Variants in FRMD4A observed in about 807,000 individuals in gnomAD.
FRMD4A encodes FERM domain containing 4A, also known as FERM domain-containing protein 4A.
FRMD4A carries 29 observed loss-of-function variants against 129.1 expected under a neutral mutation model. The ratio of observed to expected loss-of-function variants is 0.22; its 90% CI spans 0.17 to 0.31. The LOEUF (loss-of-function observed/expected upper bound fraction) is 0.31, where lower values mean the gene tolerates loss of function less well. Ranked by LOEUF, FRMD4A falls within the 10% of genes least tolerant of loss-of-function variation. The probability of loss-of-function intolerance (pLI) is 1.00; values close to 1 mark genes in which losing one functional copy is unlikely to be tolerated. For missense variants in FRMD4A, 1,272 were observed against 1,375.8 expected, an observed-to-expected ratio of 0.92 and a Z score of 1.19; for synonymous variants, 634 against 571.6, an observed-to-expected ratio of 1.11 and a Z score of -1.56.
At chr10:13,913,950 T>C (rs1459911441) in intron 2 of FRMD4A, among the ~76,000 whole-genome samples, 1 of 152,030 alleles carries the variant, frequency 6.6e-6, no homozygotes, top group Non-Finnish European at 1.5e-5. Context: ...GAGACAACCA[T>C]AGTGACTGGG....
intron 3 of FRMD4A, among the ~76,000 whole-genome samples, chr10:13,851,489 T>C (rs1204267644): frequency 6.6e-6 from 1 of 152,102 alleles, no homozygotes; most frequent in Non-Finnish European, 1.5e-5. Context: ...CCTCTCCCCA[T>C]TGCTTGCATT....
chr10:13,704,771 G>A (rs944766409), intron 13 of FRMD4A, among the ~76,000 whole-genome samples: 1 of 152,146 alleles, frequency 6.6e-6, no homozygotes, highest in Non-Finnish European at 1.5e-5. Flanking sequence ...CACTCCATGA[G>A]TTCCTTCTTC....
At chr10:13,795,817 G>C (rs956059373) in intron 5 of FRMD4A, among the ~76,000 whole-genome samples, 1 of 152,160 alleles carries the variant, frequency 6.6e-6, no homozygotes, top group Non-Finnish European at 1.5e-5. Context: ...CCAGCCTCTG[G>C]CTTCTCACAA....
intron 2 of FRMD4A, among the ~76,000 whole-genome samples, chr10:14,321,275 CA>C (rs1306290138): frequency 1.3e-5 from 2 of 151,018 alleles, no homozygotes; most frequent in Admixed American, 6.6e-5. Context: ...TTAAGAAAAA[CA>C]GATACAAAAG....
intron 3 of FRMD4A, among the ~76,000 whole-genome samples, chr10:13,839,787 T>C (rs2093933977): frequency 6.6e-6 from 1 of 152,182 alleles, no homozygotes; most frequent in Admixed American, 6.5e-5. Context: ...AGTGGACTCC[T>C]AACACCAGAG....
At chr10:13,858,389 C>G (rs886672467) in intron 3 of FRMD4A, among the ~76,000 whole-genome samples, 8 of 152,280 alleles carry the variant, frequency 5.3e-5, no homozygotes, top group Admixed American at 3.9e-4. Context: ...GAGCTGAGAT[C>G]GTGCCACTGC....
At chr10:14,326,465 T>A (rs961654746) in intron 2 of FRMD4A, 1 of 160,086 alleles carries the variant, frequency 6.2e-6, no homozygotes, top group Admixed American at 6.5e-5. Flanking sequence ...AATTATCAGA[T>A]TTTTTTTGGT....
At chr10:13,652,517 T>C (rs2081725637) in intron 23 of FRMD4A, 1 of 155,738 alleles carries the variant, frequency 6.4e-6, no homozygotes, top group Admixed American at 6.3e-5. Context: ...GAAAGATGTG[T>C]CATTCTTTTA....
In FRMD4A at chr10:13,793,102, T is replaced by C. The variant is rs577778444; in HGVS notation, c.299+3394A>G. ...GGGTTACTCAGCCATGCAGTGTTAG[T>C]ACCTCCATTCTCTGACTTTCTAAAA... is the stretch of plus-strand genomic sequence containing the variant. On this transcript the variant is annotated intron_variant, in intron 5 of 24. Coordinates refer to ENST00000357447, the MANE Select transcript of FRMD4A (RefSeq NM_018027.5). Among the ~76,000 whole-genome samples the C allele has an allele frequency of 2.3e-4, 35 of 152,248 alleles. No homozygotes were observed. In the South Asian group the frequency reaches 7.3e-3, roughly 32 times the overall value.
At chr10:13,704,027 CA>C (rs1564650778) in intron 13 of FRMD4A, among the ~76,000 whole-genome samples, 1 of 151,314 alleles carries the variant, frequency 6.6e-6, no homozygotes, top group African/African-American at 2.4e-5. Context: ...AACAAACAAA[CA>C]AAAAAACACT....
chr10:14,159,051 A>G (rs1363140497), intron 2 of FRMD4A, among the ~76,000 whole-genome samples: 1 of 152,240 alleles, frequency 6.6e-6, no homozygotes, highest in African/African-American at 2.4e-5. Context: ...ATGGACTGCC[A>G]CTTAACGAGA....
intron 2 of FRMD4A, among the ~76,000 whole-genome samples, chr10:14,039,749 G>A (rs911963735): frequency 3.6e-4 from 54 of 152,088 alleles, no homozygotes; most frequent in African/African-American, 1.3e-3. Flanking sequence ...GAGTTGTCCT[G>A]GCTTTCTGGC....
intron 2 of FRMD4A, among the ~76,000 whole-genome samples, chr10:14,277,684 G>A (rs1185035816): frequency 1.3e-5 from 2 of 152,306 alleles, no homozygotes; most frequent in South Asian, 2.1e-4. Context: ...TTGAGGCAAC[G>A]CCTCCCCACA....
chr10:13,735,132 C>G (rs2135034538), intron 12 of FRMD4A, among the ~76,000 whole-genome samples: 1 of 152,358 alleles, frequency 6.6e-6, no homozygotes, highest in Non-Finnish European at 1.5e-5. Flanking sequence ...CTCGGCCTCC[C>G]AAAGTGCTGG....
At chr10:13,998,764 G>T (rs969691544) in intron 2 of FRMD4A, among the ~76,000 whole-genome samples, 25 of 152,102 alleles carry the variant, frequency 1.6e-4, no homozygotes, top group Non-Finnish European at 4.4e-5. Context: ...CACCTCCAGG[G>T]TATCCGCTGG....
chr10:14,159,366 C>A (rs1344497896), intron 2 of FRMD4A, among the ~76,000 whole-genome samples: 1 of 152,070 alleles, frequency 6.6e-6, no homozygotes, highest in Non-Finnish European at 1.5e-5. Flanking sequence ...ATCTCACTTA[C>A]AATTGCTGCC....
chr10:14,089,852 T>C (rs1266844952), intron 2 of FRMD4A, among the ~76,000 whole-genome samples: 1 of 152,182 alleles, frequency 6.6e-6, no homozygotes, highest in Non-Finnish European at 1.5e-5. Context: ...GTTTCCTCTG[T>C]CCTCTTTATA....
Position 13,832,303 on chromosome 10 carries a change from G to A in FRMD4A, c.112-21395C>T, listed in dbSNP as rs531814142. ...GTGTCCACAGCAATACCAGCATCAA[G>A]GATTGTCCACTGCCCTCTTAGGATT... On this transcript the variant is annotated intron_variant, in intron 3 of 24. Transcript: ENST00000357447. Among the ~76,000 whole-genome samples the A allele has an allele frequency of 5.9e-5, 9 of 152,304 alleles. No individual in the cohort carries two copies. The South Asian group carries it at 1.9e-3, about 32-fold the overall frequency.
chr10:13,875,865 T>C (rs1174602954), intron 2 of FRMD4A, among the ~76,000 whole-genome samples: 4 of 151,990 alleles, frequency 2.6e-5, no homozygotes, highest in Non-Finnish European at 4.4e-5. Context: ...AGAGAACAGG[T>C]ATAAACTAGG....
Sources: allele counts gnomAD v4.1 joint callset (sites outside exome capture counted in the v4.1 genomes callset), GRCh38; gene constraint gnomAD v4.1.1; transcripts MANE v1.5; gene names NCBI Gene and HGNC (gene_info 2026-07-23, HGNC 2026-07-21).